Variants in MALRD1 observed in about 807,000 individuals in gnomAD.
The protein encoded by MALRD1 is MAM and LDL receptor class A domain containing 1.
In MALRD1, 247 loss-of-function variants were observed where a neutral mutation model predicts 242.1. The observed-to-expected ratio is 1.02, with a 90% CI of 0.92 to 1.13. The LOEUF is 1.13. MALRD1 is among the 50% of genes most tolerant of loss of function. The pLI is 0.00. For missense variants in MALRD1, 2,989 were observed against 2,533.1 expected, an observed-to-expected ratio of 1.18 and a Z score of -3.86; for synonymous variants, 995 against 866.6, an observed-to-expected ratio of 1.15 and a Z score of -2.60.
intron 36 of MALRD1, among the ~76,000 whole-genome samples, chr10:19,652,047 G>T (rs1442118939): frequency 2.0e-5 from 3 of 152,182 alleles, no homozygotes; most frequent in African/African-American, 4.8e-5. Context: ...TACTGTCTCA[G>T]AAGCTGACAA....
At chr10:19,076,262 C>CATCT (rs143079075) in intron 2 of MALRD1, among the ~76,000 whole-genome samples, 35,849 of 151,292 alleles carry the variant, frequency 0.24, 4,412 homozygotes, top group Admixed American at 0.32. Context: ...ATATAGCCAT[C>CATCT]ATCTATCTAT....
In MALRD1 at chr10:19,108,708, C is replaced by T. The variant is rs567124807; in HGVS notation, c.694+4633C>T. On this transcript the variant is annotated intron_variant, in intron 5 of 39. Coordinates refer to ENST00000454679, the MANE Select transcript of MALRD1 (RefSeq NM_001142308.3). ...CTGGGATTACAGGCGTGAGCCACCGCGCCCGGCCGTTTTTTCTAATTTTAT... is the reference window on the plus strand; with the variant it reads ...CTGGGATTACAGGCGTGAGCCACCGTGCCCGGCCGTTTTTTCTAATTTTAT... 4.4e-3 allele frequency among the ~76,000 whole-genome samples: 119 copies of T among 26,752 alleles called. 45 individuals carry two copies. The highest frequency in any genetic ancestry group is 6.7e-3 in the Non-Finnish European group (110 of 16,416). 17.6% of individuals were successfully genotyped at this position (26,752 alleles called of 152,430 possible).
At chr10:19,272,433 T>C (rs534612675) in intron 19 of MALRD1, among the ~76,000 whole-genome samples, 62 of 152,236 alleles carry the variant, frequency 4.1e-4, no homozygotes, top group African/African-American at 1.4e-3. Context: ...ATAGGAGATA[T>C]GAACCATCAG....
At chr10:19,059,163 A>G (rs1424642418) in intron 1 of MALRD1, among the ~76,000 whole-genome samples, 2 of 152,172 alleles carry the variant, frequency 1.3e-5, no homozygotes, top group African/African-American at 2.4e-5. Flanking sequence ...GCCATCTGTC[A>G]TAATTTTTGA....
intron 31 of MALRD1, among the ~76,000 whole-genome samples, chr10:19,530,064 A>T (rs1273159610): frequency 6.6e-6 from 1 of 151,826 alleles, no homozygotes; most frequent in Non-Finnish European, 1.5e-5. Context: ...TTGCATGGAA[A>T]AGCAAAAGAC....
intron 32 of MALRD1, among the ~76,000 whole-genome samples, chr10:19,539,855 TGCGTG>T (rs1564425281): frequency 0.072 from 6,298 of 87,344 alleles, 269 homozygotes; most frequent in Non-Finnish European, 0.092. Context: ...CCCAGCTTTG[TGCGTG>T]TGTGTGTGTG....
At chr10:19,619,927 G>A (rs1272002577) in intron 36 of MALRD1, among the ~76,000 whole-genome samples, 1 of 151,936 alleles carries the variant, frequency 6.6e-6, no homozygotes, top group African/African-American at 2.4e-5. Flanking sequence ...TGAGGCAGGA[G>A]GATTGATTGA....
intron 12 of MALRD1, among the ~76,000 whole-genome samples, chr10:19,159,426 G>C (rs1834301418): frequency 6.6e-6 from 1 of 151,956 alleles, no homozygotes; most frequent in Non-Finnish European, 1.5e-5. Context: ...AGCAAGTGTG[G>C]CAATAAGCAG....
intron 4 of MALRD1, among the ~76,000 whole-genome samples, chr10:19,100,335 A>G (rs1050372388): frequency 2.0e-5 from 3 of 152,210 alleles, no homozygotes; most frequent in Non-Finnish European, 2.9e-5. Context: ...TTCATCAGTT[A>G]TACCAAGTTA....
At chr10:19,129,219 T>A (rs1837377542) in intron 8 of MALRD1, among the ~76,000 whole-genome samples, 1 of 152,126 alleles carries the variant, frequency 6.6e-6, no homozygotes, top group Admixed American at 6.6e-5. Flanking sequence ...CTATTGTGCC[T>A]CTTACCTACC....
rs1196037316 is a variant in MALRD1, at chr10:19,531,305, G to A, written c.5432G>A (p.Arg1811Gln). 7.1e-6 allele frequency: 11 copies of A among 1,548,822 alleles called. No homozygotes were observed. Among genetic ancestry groups the A allele is most frequent in the South Asian group, 2.4e-5 (2 of 83,840 alleles). The change falls in exon 32 of 40, where the codon CGG (arginine) becomes CAG (glutamine). Residue 1811 changes from arginine (R) to glutamine (Q), a missense_variant. Transcript: ENST00000454679. ...FPASLGMCTV[R>Q]FWFYMIDPRS... ...GCAAGCCTTGGAATGTGTACTGTTC[G>A]GTTCTGGTTCTACATGATTGATCCC...
chr10:19,081,498 G>C (rs1037473574), intron 2 of MALRD1, among the ~76,000 whole-genome samples: 2 of 152,060 alleles, frequency 1.3e-5, no homozygotes, highest in African/African-American at 4.8e-5. Context: ...GTTATCCTCA[G>C]CAAACTAGTG....
chr10:19,670,911 C>T (rs1173565056), intron 36 of MALRD1, among the ~76,000 whole-genome samples: 9 of 143,148 alleles, frequency 6.3e-5, no homozygotes, highest in African/African-American at 2.4e-4. Flanking sequence ...TGGAGTCTTG[C>T]TCTGTTGCCC....
At chr10:19,649,354 A>G (rs1005621772) in intron 36 of MALRD1, among the ~76,000 whole-genome samples, 2 of 152,192 alleles carry the variant, frequency 1.3e-5, no homozygotes, top group African/African-American at 2.4e-5. Flanking sequence ...ACTCCCACCA[A>G]TAGTGTATAA....
intron 19 of MALRD1, among the ~76,000 whole-genome samples, chr10:19,271,118 A>T (rs573115207): frequency 6.6e-6 from 1 of 152,306 alleles, no homozygotes; most frequent in South Asian, 2.1e-4. Flanking sequence ...TAACCAAGCA[A>T]TTCCGTTTCT....
At chr10:19,438,694 T>G (rs2496048) in intron 28 of MALRD1, among the ~76,000 whole-genome samples, 108,830 of 152,048 alleles carry the variant, frequency 0.72, 39,083 homozygotes, top group Non-Finnish European at 0.75. Flanking sequence ...CATGTCAGTG[T>G]GTGTGAAATA....
In MALRD1 at chr10:19,119,897, T is replaced by G. The variant is rs1837000964; in HGVS notation, c.695-3595T>G. Among the ~76,000 whole-genome samples the G allele has an allele frequency of 2.0e-5, 3 of 152,188 alleles. No individual in the cohort carries two copies. In the South Asian group the frequency reaches 6.2e-4, roughly 31 times the overall value. ...GACAGCTTGGAAGTTAGAAGCAAGA[T>G]GGAGTCGATTAAATTAGATCTCTTT... On this transcript the variant is annotated intron_variant, in intron 5 of 39. Transcript: ENST00000454679.
chr10:19,385,432 C>A (rs905006522), intron 26 of MALRD1, among the ~76,000 whole-genome samples: 1 of 151,956 alleles, frequency 6.6e-6, no homozygotes, highest in Non-Finnish European at 1.5e-5. Context: ...CATTATTGAT[C>A]TGTTCAGATT....
intron 32 of MALRD1, among the ~76,000 whole-genome samples, chr10:19,539,821 G>C (rs10740914): frequency 0.66 from 97,610 of 148,698 alleles, 35,410 homozygotes; most frequent in Non-Finnish European, 0.79. Flanking sequence ...CTAATAGCTG[G>C]GACTACCAGC....
Sources: allele counts gnomAD v4.1 joint callset (sites outside exome capture counted in the v4.1 genomes callset), GRCh38; gene constraint gnomAD v4.1.1; transcripts MANE v1.5; gene names NCBI Gene and HGNC (gene_info 2026-07-23, HGNC 2026-07-21).